Variants in ST6GALNAC3 observed in about 807,000 individuals in gnomAD.
The protein encoded by ST6GALNAC3 is alpha-N-acetylgalactosaminide alpha-2,6-sialyltransferase 3.
A neutral mutation model predicts 32.7 loss-of-function variants in ST6GALNAC3; 25 were observed. That is an observed-to-expected ratio of 0.76 (90% CI 0.56 to 1.07). The LOEUF is 1.07. Among genes scored for constraint, ST6GALNAC3 ranks in the 50% least tolerant of loss-of-function variants. The probability of loss-of-function intolerance (pLI) is 0.00; values close to 1 mark genes in which losing one functional copy is unlikely to be tolerated. For synonymous variants in ST6GALNAC3, 129 were observed against 133.1 expected, an observed-to-expected ratio of 0.97 and a Z score of 0.21; for missense variants, 355 against 382.4, an observed-to-expected ratio of 0.93 and a Z score of 0.60.
chr1:76,365,440 G>A (rs776974532), intron 2 of ST6GALNAC3, among the ~76,000 whole-genome samples: 19 of 152,170 alleles, frequency 1.2e-4, no homozygotes, highest in Non-Finnish European at 2.4e-4. Context: ...ATATATCCAT[G>A]TAACAAACCT....
chr1:76,082,435 G>A (rs1314399515), intron 1 of ST6GALNAC3, among the ~76,000 whole-genome samples: 1 of 152,132 alleles, frequency 6.6e-6, no homozygotes, highest in Non-Finnish European at 1.5e-5. Context: ...AGAAAAAAGG[G>A]GGTGCTAAAC....
intron 1 of ST6GALNAC3, among the ~76,000 whole-genome samples, chr1:76,236,047 C>G (rs192461778): frequency 9.6e-4 from 146 of 152,066 alleles, no homozygotes; most frequent in Middle Eastern, 3.4e-3. Flanking sequence ...GTGATCTCGG[C>G]TCACTGCAAC....
intron 2 of ST6GALNAC3, among the ~76,000 whole-genome samples, chr1:76,365,992 G>A (rs1189587041): frequency 6.6e-6 from 1 of 152,106 alleles, no homozygotes; most frequent in Non-Finnish European, 1.5e-5. Flanking sequence ...GGAATTGTCA[G>A]CATCAGGAAA....
chr1:76,515,262 G>A (rs1371614952), intron 3 of ST6GALNAC3, among the ~76,000 whole-genome samples: 1 of 151,882 alleles, frequency 6.6e-6, no homozygotes, highest in African/African-American at 2.4e-5. Flanking sequence ...TCGTATTTCT[G>A]TGATGTCAGT....
intron 3 of ST6GALNAC3, among the ~76,000 whole-genome samples, chr1:76,517,614 T>C (rs1286786223): frequency 6.6e-6 from 1 of 151,972 alleles, no homozygotes; most frequent in African/African-American, 2.4e-5. Flanking sequence ...CCTTCAACTT[T>C]GTTTTACTTT....
rs546378503 is a variant in ST6GALNAC3, at chr1:76,203,250, C to T, written c.19-110555C>T. 8.6e-4 allele frequency among the ~76,000 whole-genome samples: 131 copies of T among 152,226 alleles called. 1 individual carries two copies. The highest frequency in any genetic ancestry group is 1.6e-3 in the Non-Finnish European group (112 of 68,008). ...CTTAGCTCAAATAAATCAGAATCTG[C>T]GCAGGGGGTGCCCATGCATTACTCA... On this transcript the variant is annotated intron_variant, in intron 1 of 4. Transcript: ENST00000328299.
intron 1 of ST6GALNAC3, among the ~76,000 whole-genome samples, chr1:76,280,257 G>T (rs1267979987): frequency 6.6e-6 from 1 of 152,158 alleles, no homozygotes; most frequent in Non-Finnish European, 1.5e-5. Flanking sequence ...TAGTTCATCA[G>T]TTGTTACTGC....
At chr1:76,587,845 T>C (rs1646986081) in intron 3 of ST6GALNAC3, among the ~76,000 whole-genome samples, 1 of 152,100 alleles carries the variant, frequency 6.6e-6, no homozygotes, top group Non-Finnish European at 1.5e-5. Context: ...GACGCTCAGG[T>C]TACCAACAGG....
Position 76,477,677 on chromosome 1 carries a change from T to C in ST6GALNAC3, c.623+65260T>C, listed in dbSNP as rs142246388. On this transcript the variant is annotated intron_variant, in intron 3 of 4. Transcript: ENST00000328299. ...GACTGGTCTGCCTCTCCCTGCATTC[T>C]TGGGGCTCTTCACTCTGTGTATTCT... 4.1e-3 allele frequency among the ~76,000 whole-genome samples: 621 copies of C among 152,306 alleles called. 3 individuals are homozygous for C. Among genetic ancestry groups the C allele is most frequent in the Non-Finnish European group, 6.2e-3 (423 of 68,028 alleles).
At chr1:76,506,885 G>A (rs1294235139) in intron 3 of ST6GALNAC3, among the ~76,000 whole-genome samples, 1 of 152,230 alleles carries the variant, frequency 6.6e-6, no homozygotes, top group Admixed American at 6.5e-5. Context: ...TGTTGACATA[G>A]TGGAGTGGAG....
At chr1:76,618,361 G>C (rs538310105) in intron 3 of ST6GALNAC3, among the ~76,000 whole-genome samples, 1 of 151,998 alleles carries the variant, frequency 6.6e-6, no homozygotes, top group Non-Finnish European at 1.5e-5. Flanking sequence ...GACTGTCCTC[G>C]GGCAAGTACT....
intron 3 of ST6GALNAC3, among the ~76,000 whole-genome samples, chr1:76,603,073 T>C (rs927002937): frequency 6.6e-6 from 1 of 152,316 alleles, no homozygotes; most frequent in East Asian, 1.9e-4. Context: ...AATTTTAGTC[T>C]GAAAATATAA....
chr1:76,309,986 A>G (rs1236786851), intron 1 of ST6GALNAC3: 1 of 500,352 alleles, frequency 2.0e-6, no homozygotes, highest in Non-Finnish European at 4.0e-6. Context: ...ATGCATACGT[A>G]TGTGTTGCTG....
chr1:76,132,440 A>G (rs1649670957), intron 1 of ST6GALNAC3, among the ~76,000 whole-genome samples: 1 of 152,016 alleles, frequency 6.6e-6, no homozygotes, highest in African/African-American at 2.4e-5. Context: ...CTGTTCCTTA[A>G]TGGTCTGCAT....
chr1:76,399,183 A>G (rs1374728284), intron 2 of ST6GALNAC3, among the ~76,000 whole-genome samples: 1 of 152,160 alleles, frequency 6.6e-6, no homozygotes, highest in Non-Finnish European at 1.5e-5. Context: ...TTTGAGGGAT[A>G]GTATAATTCA....
chr1:76,163,988 G>A (rs7513539), intron 1 of ST6GALNAC3, among the ~76,000 whole-genome samples: 24,435 of 152,084 alleles, frequency 0.16, 2,566 homozygotes, highest in South Asian at 0.29. Flanking sequence ...GTTAAGTTTT[G>A]TGGCATAATG....
chr1:76,608,864 T>C (rs192203571), intron 3 of ST6GALNAC3, among the ~76,000 whole-genome samples: 139 of 152,308 alleles, frequency 9.1e-4, no homozygotes, highest in African/African-American at 3.2e-3. Flanking sequence ...AGAATTTACA[T>C]GTCTGCAGCC....
chr1:76,127,159 G>A (rs1005709471), intron 1 of ST6GALNAC3, among the ~76,000 whole-genome samples: 3 of 152,174 alleles, frequency 2.0e-5, no homozygotes, highest in Non-Finnish European at 4.4e-5. Context: ...TCAAAACATG[G>A]GTGGTTGTAT....
intron 1 of ST6GALNAC3, among the ~76,000 whole-genome samples, chr1:76,262,488 A>G (rs1658296084): frequency 6.6e-6 from 1 of 152,222 alleles, no homozygotes; most frequent in Non-Finnish European, 1.5e-5. Flanking sequence ...TGCTTTGTCA[A>G]TTCTAATGTC....
Sources: allele counts gnomAD v4.1 joint callset (sites outside exome capture counted in the v4.1 genomes callset), GRCh38; gene constraint gnomAD v4.1.1; transcripts MANE v1.5; gene names NCBI Gene and HGNC (gene_info 2026-07-23, HGNC 2026-07-21).